MAP3K21: variants seen among roughly 807,000 people sequenced by gnomAD.
MAP3K21 encodes mitogen-activated protein kinase kinase kinase MLK4.
In MAP3K21, 63 loss-of-function variants were observed where a neutral mutation model predicts 86.1. The observed-to-expected ratio is 0.73, with a 90% CI of 0.60 to 0.90. The LOEUF (loss-of-function observed/expected upper bound fraction) is 0.90. Ranked by LOEUF, MAP3K21 falls within the 40% of genes least tolerant of loss-of-function variation. The pLI, the probability that MAP3K21 is intolerant of heterozygous loss-of-function variation, is 0.00. For missense variants in MAP3K21, 1,220 were observed against 1,367.7 expected, an observed-to-expected ratio of 0.89 and a Z score of 1.70; for synonymous variants, 558 against 564.8, an observed-to-expected ratio of 0.99 and a Z score of 0.17.
chr1:233,382,419 A>G lies in MAP3K21; in HGVS notation c.2819A>G (p.His940Arg). ...TCACCCAAGAAGCACAGCACTGTCC[A>G]CATCGTGCCTCAGCGTCGCCCTGCC... is the stretch of plus-strand genomic sequence containing the variant. ...EVSPKKHSTV[H>R]IVPQRRPASL... Residue 940 changes from histidine (H) to arginine (R), a missense_variant, in exon 10 of 10, where the codon CAC (histidine) becomes CGC (arginine). Around this residue, in one of 5 missense-constraint regions of MAP3K21, gnomAD observed 632 missense variants for 691.3 expected, o/e 0.91. Transcript: ENST00000366624. The G allele has an allele frequency of 6.2e-7, 1 of 1,614,142 alleles. No homozygotes were observed. Among genetic ancestry groups the G allele is most frequent in the African/African-American group, 1.3e-5 (1 of 75,020 alleles).
chr1:233,347,209 T>A lies in MAP3K21; in HGVS notation c.986+587T>A, dbSNP rs145001214. On this transcript the variant is annotated intron_variant, in intron 2 of 9. Coordinates refer to ENST00000366624, the MANE Select transcript of MAP3K21 (RefSeq NM_032435.3). ...TGCACCCAGCCTGAATTGACATTTT[T>A]AACAAACTTTTGATTCCTTGTGACT... Among the ~76,000 whole-genome samples, 16 of 152,310 alleles carry A rather than the reference T, an allele frequency of 1.1e-4. No individual in the cohort carries two copies. The East Asian group carries it at 2.7e-3, about 26-fold the overall frequency.
At chr1:233,355,421 G>A (rs1040998551) in intron 4 of MAP3K21, among the ~76,000 whole-genome samples, 6 of 152,160 alleles carry the variant, frequency 3.9e-5, no homozygotes, top group African/African-American at 1.4e-4. Flanking sequence ...TTAAAAATGC[G>A]ATTTAAGAAC....
At chr1:233,349,897 A>T (rs1663216557) in intron 2 of MAP3K21, among the ~76,000 whole-genome samples, 2 of 151,970 alleles carry the variant, frequency 1.3e-5, no homozygotes, top group South Asian at 4.2e-4. Flanking sequence ...AGATCATGTC[A>T]CTGCACTCCA....
chr1:233,345,128 TTGG>T (rs1474338624), intron 1 of MAP3K21, among the ~76,000 whole-genome samples: 4 of 152,146 alleles, frequency 2.6e-5, no homozygotes, highest in African/African-American at 9.7e-5. Flanking sequence ...TTTTACACTG[TTGG>T]TGGGAGTGTA....
intron 1 of MAP3K21, among the ~76,000 whole-genome samples, chr1:233,330,349 T>C (rs1025194871): frequency 4.6e-5 from 7 of 152,214 alleles, no homozygotes; most frequent in African/African-American, 1.7e-4. Context: ...ACAGACCACA[T>C]GAAGGACTAT....
intron 1 of MAP3K21, among the ~76,000 whole-genome samples, chr1:233,329,106 G>T (rs987047143): frequency 6.6e-6 from 1 of 152,258 alleles, no homozygotes; most frequent in South Asian, 2.1e-4. Flanking sequence ...AAAATACCTG[G>T]ATCTCCTAGA....
In MAP3K21 at chr1:233,379,125, A is replaced by G; in HGVS notation, c.2119A>G (p.Thr707Ala). The G allele has an allele frequency of 6.2e-7, 1 of 1,614,136 alleles. No homozygotes were observed. Among genetic ancestry groups the G allele is most frequent in the Non-Finnish European group, 8.5e-7 (1 of 1,179,962 alleles). ...CACAGTCTCCATTGAGATGACTCCT[A>G]CGAATAGTCTGAGTAGATCCCCCCA... is the stretch of plus-strand genomic sequence containing the variant. ...AATVSIEMTPTNSLSRSPQRK... is the reference protein window; with the variant it reads ...AATVSIEMTPANSLSRSPQRK... Residue 707 changes from threonine to alanine, a missense_variant, in exon 9 of 10, where the codon ACG (threonine) becomes GCG (alanine). Coordinates refer to ENST00000366624, the MANE Select transcript of MAP3K21 (RefSeq NM_032435.3).
At chr1:233,356,932 C>G (rs758105414) in intron 4 of MAP3K21, among the ~76,000 whole-genome samples, 2 of 152,178 alleles carry the variant, frequency 1.3e-5, no homozygotes, top group African/African-American at 2.4e-5. Context: ...CAAAGCCCTT[C>G]TAATATTAAA....
Position 233,372,060 on chromosome 1 carries a change from G to T in MAP3K21, c.1575G>T (p.Val525=), listed in dbSNP as rs1270195947. The change falls in exon 6 of 10, where the codon GTG becomes GTT. Residue 525 remains valine (V), a synonymous_variant. Coordinates refer to ENST00000366624, the MANE Select transcript of MAP3K21 (RefSeq NM_032435.3). The stretch of plus-strand genomic sequence containing the variant: ...CAGATTTCCAGCACAAGATAACCGT[G>T]CAGGCCTCTCCCAACTTGGACAAAC... ...LPSDFQHKIT[V]QASPNLDKRR... 6 of 1,613,918 alleles carry T rather than the reference G, an allele frequency of 3.7e-6. No individual in the cohort carries two copies. Among genetic ancestry groups the T allele is most frequent in the Non-Finnish European group, 5.1e-6 (6 of 1,179,990 alleles).
rs1278365743 is a variant in MAP3K21 at position 233,379,437 on chromosome 1, T to C, written c.2431T>C (p.Cys811Arg). 1.9e-6 allele frequency: 3 copies of C among 1,614,172 alleles called. No homozygotes were observed. In the Admixed American group the frequency reaches 5.0e-5, roughly 27 times the overall value. ...CTCCACACCTTCTTTCTCCACAAAGTGCCTGCTGCAGATGGACAGTGAAGA... is the reference window on the plus strand; with the variant it reads ...CTCCACACCTTCTTTCTCCACAAAGCGCCTGCTGCAGATGGACAGTGAAGA... ...ILSTPSFSTKCLLQMDSEDPL... is the reference protein window; with the variant it reads ...ILSTPSFSTKRLLQMDSEDPL... The change falls in exon 9 of 10, where the codon TGC becomes CGC. Residue 811 changes from cysteine to arginine, a missense_variant. Physicochemically the swap from Cys to Arg is radical, Grantham distance 180. Transcript: ENST00000366624.
In MAP3K21 at chr1:233,362,156, T is replaced by C. The variant is rs1264513513; in HGVS notation, c.1415T>C (p.Ile472Thr). ...GAGCAGCAGCTGGCAGAGCGCGAGA[T>C]CGACGTGCTGGAGCGGGAACTTAAC... ...RREQQLAERE[I>T]DVLERELNIL... The change falls in exon 5 of 10, where the codon ATC becomes ACC. Residue 472 changes from isoleucine to threonine, a missense_variant. Transcript: ENST00000366624. 6.2e-7 allele frequency: 1 copy of C among 1,614,052 alleles called. No individual in the cohort carries two copies. Among genetic ancestry groups the C allele is most frequent in the Admixed American group, 1.7e-5 (1 of 60,006 alleles).
chr1:233,339,252 CTTCTTCTTCTTCTTCCTCTTCTTCTTCT>C (rs1662974531), intron 1 of MAP3K21, among the ~76,000 whole-genome samples: 2 of 69,670 alleles, frequency 2.9e-5, no homozygotes, highest in African/African-American at 1.2e-4. Flanking sequence ...TCTTCTTCTT[CTTCTTCTTCTTCTTCCTCTTCTTCTTCT>C]TCTTCTTCTT....
rs1440398611 is a variant in MAP3K21 at position 233,376,438 on chromosome 1, C to G, written c.1835C>G (p.Pro612Arg). 9 of 1,610,052 alleles carry G rather than the reference C, an allele frequency of 5.6e-6. No individual in the cohort carries two copies. Among genetic ancestry groups the G allele is most frequent in the African/African-American group, 2.7e-5 (2 of 74,796 alleles). Residue 612 changes from proline (P) to arginine (R), a missense_variant, in exon 8 of 10, where the codon CCT becomes CGT. Physicochemically the swap from Pro to Arg is moderately radical, Grantham distance 103. Around this residue, in one of 5 missense-constraint regions of MAP3K21, gnomAD observed 632 missense variants for 691.3 expected, o/e 0.91. Transcript: ENST00000366624. ...ACATTTTTCTCTTGTAGGATAAGAC[C>G]TCTCTCCGATGGCAACAGTCCTTGG... Reference protein sequence around the residue: ...DRTDCKERIRPLSDGNSPWST... With the variant: ...DRTDCKERIRRLSDGNSPWST...
chr1:233,344,277 A>G (rs138349775), intron 1 of MAP3K21, among the ~76,000 whole-genome samples: 1,570 of 152,304 alleles, frequency 0.01, 11 homozygotes, highest in Middle Eastern at 0.034. Flanking sequence ...TGCCAAGACA[A>G]TCCTAAGCAA....
At chr1:233,329,655 A>C (rs1215957145) in intron 1 of MAP3K21, among the ~76,000 whole-genome samples, 1 of 149,144 alleles carries the variant, frequency 6.7e-6, no homozygotes, top group Non-Finnish European at 1.5e-5. Context: ...CTCTGTCTCA[A>C]AAAAAAAAAA....
chr1:233,328,841 G>A lies in MAP3K21; in HGVS notation c.805+8G>A, dbSNP rs982637227. 7 of 1,500,814 alleles carry A rather than the reference G, an allele frequency of 4.7e-6. No individual in the cohort carries two copies. In the African/African-American group the frequency reaches 8.6e-5, roughly 18 times the overall value. 93.0% of individuals were successfully genotyped at this position (1,500,814 alleles called of 1,614,324 possible). A position where few individuals can be genotyped will look rare whatever the true frequency, so the allele number is the denominator to read the frequency against. ...ACCTCAAGTCCAGCAACAGTAAGTG[G>A]GGCCAGAGGGAGGTGGGGGAAGACT... On this transcript the variant is annotated splice_region_variant and intron_variant, in intron 1 of 9. Coordinates refer to ENST00000366624, the MANE Select transcript of MAP3K21 (RefSeq NM_032435.3). This position sits in a 1 kb window ranked among gnomAD's most constrained non-coding sequence, Gnocchi z 8.7.
Position 233,362,170 on chromosome 1 carries a change from C to A in MAP3K21, c.1429C>A (p.Arg477=), listed in dbSNP as rs1189944429. The change falls in exon 5 of 10, where the codon CGG becomes AGG. Residue 477 remains arginine, a synonymous_variant. Coordinates refer to ENST00000366624, the MANE Select transcript of MAP3K21 (RefSeq NM_032435.3). ...AGAGCGCGAGATCGACGTGCTGGAG[C>A]GGGAACTTAACATTCTGATATTCCA... ...LAEREIDVLE[R]ELNILIFQLN... is the part of the protein sequence containing the mutation. 1.9e-6 allele frequency: 3 copies of A among 1,614,024 alleles called. No individual in the cohort carries two copies. The highest frequency in any genetic ancestry group is 2.5e-6 in the Non-Finnish European group (3 of 1,180,044).
At chr1:233,348,603 T>A (rs1002414958) in intron 2 of MAP3K21, among the ~76,000 whole-genome samples, 3 of 152,188 alleles carry the variant, frequency 2.0e-5, no homozygotes, top group African/African-American at 4.8e-5. Context: ...TCTTTTTTTT[T>A]ATTCCCACCA....
intron 1 of MAP3K21, among the ~76,000 whole-genome samples, chr1:233,334,116 C>T (rs147536582): frequency 4.6e-5 from 7 of 151,670 alleles, no homozygotes; most frequent in Admixed American, 1.3e-4. Context: ...CCGTCCGCCT[C>T]GGCCGCCCAA....
Sources: allele counts gnomAD v4.1 joint callset (sites outside exome capture counted in the v4.1 genomes callset), GRCh38; gene constraint gnomAD v4.1.1; regional missense constraint gnomAD v4.1.1; non-coding constraint Gnocchi (gnomAD v3.1); transcripts MANE v1.5; gene names NCBI Gene and HGNC (gene_info 2026-07-23, HGNC 2026-07-21).